RAD52: variants seen among roughly 807,000 people sequenced by gnomAD.
RAD52 encodes the protein RAD52 DNA repair protein.
A neutral mutation model predicts 55.5 loss-of-function variants in RAD52; 47 were observed. The observed-to-expected ratio is 0.85, with a 90% CI of 0.67 to 1.08. The LOEUF is 1.08. Ranked by LOEUF, RAD52 falls within the 50% of genes least tolerant of loss-of-function variation. The pLI, the probability that RAD52 is intolerant of heterozygous loss-of-function variation, is 0.00. For missense variants in RAD52, 468 were observed against 522.8 expected, an observed-to-expected ratio of 0.90 and a Z score of 1.02; for synonymous variants, 184 against 198.9, an observed-to-expected ratio of 0.92 and a Z score of 0.63.
intron 5 of RAD52, among the ~76,000 whole-genome samples, chr12:929,002 C>A (rs1397810721): frequency 1.3e-5 from 2 of 152,102 alleles, no homozygotes; most frequent in African/African-American, 4.8e-5. Flanking sequence ...GTAGCTAGGA[C>A]TACAAGCATA....
intron 1 of RAD52, among the ~76,000 whole-genome samples, chr12:967,810 T>C (rs1321247477): frequency 1.3e-5 from 2 of 151,580 alleles, no homozygotes; most frequent in African/African-American, 4.9e-5. Flanking sequence ...GTGGTACACG[T>C]CTGTAGTCCC....
At chr12:967,498 A>G (rs933867145) in intron 1 of RAD52, among the ~76,000 whole-genome samples, 3 of 151,602 alleles carry the variant, frequency 2.0e-5, no homozygotes, top group African/African-American at 7.3e-5. Context: ...CCCCTTCCCA[A>G]TTCTCAAGAA....
In RAD52 at chr12:912,338, G is replaced by A. The variant is rs1956134716; in HGVS notation, c.*1053C>T. ...AAAAACCCAGCCCTCTTCAGCTGCAGTGTATCTTCTTATACAAAAACTCTG... is the reference window on the plus strand; with the variant it reads ...AAAAACCCAGCCCTCTTCAGCTGCAATGTATCTTCTTATACAAAAACTCTG... On this transcript the variant is annotated 3_prime_UTR_variant, in exon 12 of 12. Coordinates refer to ENST00000358495, the MANE Select transcript of RAD52 (RefSeq NM_134424.4). The A allele has an allele frequency of 9.9e-6, 2 of 201,918 alleles. No individual in the cohort carries two copies. Among genetic ancestry groups the A allele is most frequent in the Non-Finnish European group, 2.0e-5 (2 of 98,272 alleles). 12.5% of individuals were successfully genotyped at this position (201,918 alleles called of 1,614,324 possible). A position where few individuals can be genotyped will look rare whatever the true frequency, so the allele number is the denominator to read the frequency against.
intron 7 of RAD52, 144 bp downstream of exon 7, chr12:925,306 A>G: frequency 2.8e-6 from 2 of 716,124 alleles, no homozygotes. Flanking sequence ...GCTGTCTCTA[A>G]CATTCGAAAT....
chr12:939,085 T>TGTGTGTGTGTGTGTGTAGAG (rs57206780), intron 1 of RAD52, among the ~76,000 whole-genome samples: 9 of 144,760 alleles, frequency 6.2e-5, no homozygotes, highest in Middle Eastern at 3.5e-3. Flanking sequence ...TGTGTGTGTG[T>TGTGTGTGTGTGTGTGTAGAG]AGAGAGAGAG....
chr12:931,423 C>G, intron 2 of RAD52, 102 bp from the exon 3 acceptor site: 1 of 848,562 alleles, frequency 1.2e-6, no homozygotes, highest in Non-Finnish European at 1.8e-6. Flanking sequence ...AAAGACCCCC[C>G]AGAACCTTTG....
At chr12:968,534 C>T (rs998297957) in intron 1 of RAD52, among the ~76,000 whole-genome samples, 10 of 152,180 alleles carry the variant, frequency 6.6e-5, no homozygotes, top group African/African-American at 2.4e-4. Context: ...AAATAAAAAC[C>T]CTTTTCTCCA....
At chr12:983,094 C>T (rs568816420) in intron 1 of RAD52, among the ~76,000 whole-genome samples, 3 of 124,576 alleles carry the variant, frequency 2.4e-5, no homozygotes, top group African/African-American at 1.3e-4. Context: ...AAGTGATCCG[C>T]CCGCCTCAGC....
At chr12:932,928 T>A in intron 2 of RAD52, 47 bp downstream of exon 2, 1 of 1,580,362 alleles carries the variant, frequency 6.3e-7, no homozygotes, top group Non-Finnish European at 8.7e-7. Context: ...GCCCTAACTT[T>A]ACTCACTTCA....
intron 1 of RAD52, among the ~76,000 whole-genome samples, chr12:958,399 A>G (rs1283374572): frequency 1.3e-5 from 2 of 152,078 alleles, no homozygotes. Context: ...TATTTTTAGT[A>G]GAGACGGGGT....
In RAD52 at chr12:927,189, CT is replaced by C; in HGVS notation, c.422del (p.Lys141ArgfsTer7). 6.2e-7 allele frequency: 1 copy of C among 1,614,172 alleles called. No homozygotes were observed. The highest frequency in any genetic ancestry group is 8.5e-7 in the Non-Finnish European group (1 of 1,180,020). ...CGTCTGTCACCGCCTCCTTCCTTGCCTTCTCCAAAGATAAAGCCTTGGACTT... is the reference window on the plus strand; with the variant it reads ...CGTCTGTCACCGCCTCCTTCCTTGCCTCTCCAAAGATAAAGCCTTGGACTT... ...GLKSKALSLE[K>X]ARKEAVTDGL... On this transcript the variant is annotated frameshift_variant, in exon 6 of 12. Coordinates refer to ENST00000358495, the MANE Select transcript of RAD52 (RefSeq NM_134424.4). LOFTEE classifies it high-confidence loss of function.
chr12:984,408 G>A (rs1273756993), intron 1 of RAD52, among the ~76,000 whole-genome samples: 1 of 152,078 alleles, frequency 6.6e-6, no homozygotes, highest in Non-Finnish European at 1.5e-5. Context: ...ATATTGGCCA[G>A]GTTGGTCTCG....
chr12:978,344 C>G (rs540838132), intron 1 of RAD52, among the ~76,000 whole-genome samples: 6 of 151,984 alleles, frequency 3.9e-5, no homozygotes, highest in Admixed American at 6.6e-5. Context: ...TGAGCCACCA[C>G]GCCCGGCCGT....
At chr12:939,512 G>A (rs1182503850) in intron 1 of RAD52, among the ~76,000 whole-genome samples, 1 of 152,080 alleles carries the variant, frequency 6.6e-6, no homozygotes, top group Non-Finnish European at 1.5e-5. Context: ...AAGACTACCT[G>A]CATAGCCAAG....
chr12:966,309 C>A (rs1283215220), intron 1 of RAD52, among the ~76,000 whole-genome samples: 1 of 152,004 alleles, frequency 6.6e-6, no homozygotes, highest in Non-Finnish European at 1.5e-5. Flanking sequence ...CTGGAAATCA[C>A]CTTAATATGT....
At chr12:933,795 G>A (rs923979128) in intron 1 of RAD52, among the ~76,000 whole-genome samples, 2 of 152,008 alleles carry the variant, frequency 1.3e-5, no homozygotes, top group African/African-American at 2.4e-5. Flanking sequence ...AATCCAAAAC[G>A]TTTTGAGTGC....
chr12:958,751 T>C (rs1958644271), intron 1 of RAD52, among the ~76,000 whole-genome samples: 1 of 152,130 alleles, frequency 6.6e-6, no homozygotes, highest in Admixed American at 6.6e-5. Flanking sequence ...AGGATCTGGG[T>C]CCTGCAGGGT....
chr12:916,590 G>A (rs1480359751), intron 8 of RAD52, 49 bp downstream of exon 8: 2 of 1,597,442 alleles, frequency 1.3e-6, no homozygotes, highest in Non-Finnish European at 8.5e-7. Flanking sequence ...AGGCAGCCCC[G>A]TGACACAGGA....
chr12:915,331 G>A (rs1956300412), intron 9 of RAD52, among the ~76,000 whole-genome samples: 1 of 152,206 alleles, frequency 6.6e-6, no homozygotes, highest in South Asian at 2.1e-4. Context: ...CCACAGGACA[G>A]GAAGTGGTTC....
Sources: gnomAD v4.1 joint callset for allele counts (sites outside exome capture counted in the v4.1 genomes callset) on GRCh38, gnomAD v4.1.1 for gene constraint, MANE v1.5 for transcripts, NCBI Gene and HGNC (gene_info 2026-07-23, HGNC 2026-07-21) for gene names.